Variants in PLCH1 observed in about 807,000 individuals in gnomAD.
PLCH1 encodes the protein phospholipase C eta 1.
A neutral mutation model predicts 126.7 loss-of-function variants in PLCH1; 60 were observed. The observed-to-expected ratio is 0.47, with a 90% CI of 0.38 to 0.59. The LOEUF (loss-of-function observed/expected upper bound fraction) is 0.59. Ranked by LOEUF, PLCH1 falls within the 20% of genes least tolerant of loss-of-function variation. The pLI is 0.00. For synonymous variants in PLCH1, 719 were observed against 734.9 expected, an observed-to-expected ratio of 0.98 and a Z score of 0.35; for missense variants, 1,723 against 2,040.0, an observed-to-expected ratio of 0.84 and a Z score of 2.99.
chr3:155,478,084 T>G (rs1177623579), downstream of PLCH1, among the ~76,000 whole-genome samples: 1 of 152,144 alleles, frequency 6.6e-6, no homozygotes, highest in Non-Finnish European at 1.5e-5. Context: ...AATGAGATCG[T>G]CATTTACAAC....
chr3:155,550,029 A>G, intron 9 of PLCH1, 71 bp from the exon 10 acceptor site: 1 of 1,091,280 alleles, frequency 9.2e-7, no homozygotes, highest in South Asian at 1.5e-5. Context: ...AAAATGATTC[A>G]GTATTCACTG....
At position 155,514,873 on chromosome 3, in the gene PLCH1, G is replaced by A. The variant is rs1427709322; in HGVS notation, c.1482C>T (p.Thr494=). 1 of 1,603,850 alleles carries A rather than the reference G, an allele frequency of 6.2e-7. No individual in the cohort carries two copies. The change falls in exon 12 of 23, where the codon ACC becomes ACT. Residue 494 remains threonine, a synonymous_variant. Coordinates refer to ENST00000460012, the MANE Select transcript of PLCH1 (RefSeq NM_014996.4). Reference sequence around the variant, plus strand: ...TGAAAGATTCCACCTGATGCTCAGTGGTCCCATTACTCTGCAAAGAATTAA... The same window carrying A: ...TGAAAGATTCCACCTGATGCTCAGTAGTCCCATTACTCTGCAAAGAATTAA... ...CKFKLHYSNG[T]TEHQVESFIR... is the part of the protein sequence containing the mutation.
At chr3:155,653,459 G>T (rs1327109493) in intron 2 of PLCH1, among the ~76,000 whole-genome samples, 1 of 152,068 alleles carries the variant, frequency 6.6e-6, no homozygotes, top group African/African-American at 2.4e-5. Flanking sequence ...CCCAGTGTTG[G>T]TTCCACAGTC....
chr3:155,467,067 G>A (rs1218378939), intron 21 of PLCH1, among the ~76,000 whole-genome samples: 1 of 152,034 alleles, frequency 6.6e-6, no homozygotes, highest in Non-Finnish European at 1.5e-5. Flanking sequence ...GAGATAGGGG[G>A]TAGAAAGTTT....
intron 21 of PLCH1, among the ~76,000 whole-genome samples, chr3:155,470,404 C>T (rs1297150034): frequency 6.6e-6 from 1 of 152,118 alleles, no homozygotes; most frequent in Non-Finnish European, 1.5e-5. Context: ...CGAGTAAAGC[C>T]TCCAAGAAAT....
intron 21 of PLCH1, among the ~76,000 whole-genome samples, chr3:155,461,060 T>C (rs1030288845): frequency 2.6e-5 from 4 of 152,218 alleles, no homozygotes; most frequent in African/African-American, 9.6e-5. Context: ...CAGCAGTAAA[T>C]CTTCACGGCC....
intron 8 of PLCH1, among the ~76,000 whole-genome samples, chr3:155,558,142 A>C (rs916963381): frequency 2.0e-5 from 3 of 152,228 alleles, no homozygotes; most frequent in Non-Finnish European, 4.4e-5. Flanking sequence ...TAACATTACC[A>C]AAATAGAAGC....
At chr3:155,496,755 G>T (rs562496547) in intron 15 of PLCH1, among the ~76,000 whole-genome samples, 36 of 152,190 alleles carry the variant, frequency 2.4e-4, no homozygotes, top group Non-Finnish European at 5.0e-4. Flanking sequence ...CCAAGGATAT[G>T]AATAGATGTG....
intron 1 of PLCH1, among the ~76,000 whole-genome samples, chr3:155,727,439 G>A (rs1050890137): frequency 6.7e-6 from 1 of 149,586 alleles, no homozygotes; most frequent in African/African-American, 2.5e-5. Flanking sequence ...CCAGGCTGGA[G>A]TGCAGTGGCA....
chr3:155,547,989 T>C (rs1296001586), intron 10 of PLCH1, among the ~76,000 whole-genome samples: 2 of 151,764 alleles, frequency 1.3e-5, no homozygotes, highest in Non-Finnish European at 2.9e-5. Flanking sequence ...TGTATACATA[T>C]GTAACTAACC....
chr3:155,529,145 T>A (rs1722332505), intron 10 of PLCH1, among the ~76,000 whole-genome samples: 1 of 152,140 alleles, frequency 6.6e-6, no homozygotes, highest in South Asian at 2.1e-4. Flanking sequence ...CTTCCAGAGG[T>A]CCCTTTCTGA....
intron 10 of PLCH1, among the ~76,000 whole-genome samples, chr3:155,525,279 C>T (rs149304391): frequency 6.6e-6 from 1 of 152,136 alleles, no homozygotes; most frequent in African/African-American, 2.4e-5. Flanking sequence ...GAACCTAATA[C>T]CTCACCCATA....
intron 2 of PLCH1, among the ~76,000 whole-genome samples, chr3:155,663,633 G>T (rs1742417545): frequency 1.3e-5 from 2 of 152,112 alleles, no homozygotes; most frequent in Admixed American, 1.3e-4. Flanking sequence ...CCACTTAGTT[G>T]TGTGTGCCTC....
At chr3:155,705,545 C>A (rs1746599253) in intron 1 of PLCH1, among the ~76,000 whole-genome samples, 1 of 152,118 alleles carries the variant, frequency 6.6e-6, no homozygotes, top group Non-Finnish European at 1.5e-5. Flanking sequence ...CTCTCCCCAG[C>A]CAATACTATA....
chr3:155,718,820 C>T (rs984128732), intron 1 of PLCH1, among the ~76,000 whole-genome samples: 6 of 152,148 alleles, frequency 3.9e-5, no homozygotes, highest in African/African-American at 4.8e-5. Flanking sequence ...TATATTCAAA[C>T]TATATCATCT....
intron 10 of PLCH1, among the ~76,000 whole-genome samples, chr3:155,527,132 G>C (rs934593): frequency 0.85 from 129,722 of 152,178 alleles, 56,177 homozygotes; most frequent in Middle Eastern, 0.95. Context: ...TCTAGATGGG[G>C]GGCCCATATC....
At chr3:155,692,129 A>G (rs1191699548) in intron 2 of PLCH1, among the ~76,000 whole-genome samples, 2 of 152,180 alleles carry the variant, frequency 1.3e-5, no homozygotes, top group Non-Finnish European at 2.9e-5. Flanking sequence ...AAGGCAAATC[A>G]CATTTTAAGG....
chr3:155,639,252 A>G (rs1739106065), intron 2 of PLCH1, among the ~76,000 whole-genome samples: 1 of 152,108 alleles, frequency 6.6e-6, no homozygotes, highest in Non-Finnish European at 1.5e-5. Context: ...TGAGCCCAGG[A>G]GTTCGAGACC....
intron 8 of PLCH1, among the ~76,000 whole-genome samples, chr3:155,555,229 C>T (rs359552): frequency 0.49 from 74,918 of 152,158 alleles, 21,556 homozygotes; most frequent in Non-Finnish European, 0.66. Flanking sequence ...TAGAGCCTGG[C>T]TAATCATTCA....
Sources: gnomAD v4.1 joint callset for allele counts (sites outside exome capture counted in the v4.1 genomes callset) on GRCh38, gnomAD v4.1.1 for gene constraint, MANE v1.5 for transcripts, NCBI Gene and HGNC (gene_info 2026-07-23, HGNC 2026-07-21) for gene names.